The following SLC8A1 variants were observed in gnomAD, a reference collection of about 807,000 sequenced individuals.
SLC8A1 encodes sodium/calcium exchanger 1.
Under a neutral mutation model 68.3 loss-of-function variants are expected in SLC8A1, and 18 were observed. The ratio of observed to expected loss-of-function variants is 0.26; its 90% CI spans 0.18 to 0.39. The LOEUF (loss-of-function observed/expected upper bound fraction) is 0.39, where lower values mean the gene tolerates loss of function less well. Ranked by LOEUF, SLC8A1 falls within the 10% of genes least tolerant of loss-of-function variation. The probability of loss-of-function intolerance (pLI) is 1.00; values close to 1 mark genes in which losing one functional copy is unlikely to be tolerated. For synonymous variants in SLC8A1, 475 were observed against 415.5 expected (o/e 1.14, Z -1.74); for missense variants, 985 against 1,156.7 (o/e 0.85, Z 2.15).
At chr2:40,217,270 G>C (rs182334555) in intron 2 of SLC8A1, among the ~76,000 whole-genome samples, 11 of 152,218 alleles carry the variant, frequency 7.2e-5, no homozygotes, top group Admixed American at 2.6e-4. Flanking sequence ...GCTTGTTTCT[G>C]TCAGGTTTGT....
intron 3 of SLC8A1, among the ~76,000 whole-genome samples, chr2:40,176,470 G>A (rs1447410644): frequency 6.6e-6 from 1 of 152,086 alleles, no homozygotes. Context: ...TAAGAAATCA[G>A]CATAATTTTC....
rs542335757 is a variant in SLC8A1, at chr2:40,305,237, A to T, written c.1808+123236T>A. ...GTGAAGCAGTGAAGACAGAAGGATG[A>T]CCATGACACAGTCCCTGCTCCCCAG... On this transcript the variant is annotated intron_variant, in intron 2 of 7. Coordinates refer to ENST00000406785, the Ensembl canonical transcript of SLC8A1. Among the ~76,000 whole-genome samples, 4 of 152,276 alleles carry T rather than the reference A, an allele frequency of 2.6e-5. No individual in the cohort carries two copies. In the South Asian group the frequency reaches 8.3e-4, roughly 32 times the overall value.
chr2:40,367,198 T>G (rs1201892989), intron 2 of SLC8A1, among the ~76,000 whole-genome samples: 4 of 152,028 alleles, frequency 2.6e-5, no homozygotes, highest in Non-Finnish European at 5.9e-5. Flanking sequence ...AACTCTTGCT[T>G]AATCAGGCAG....
intron 1 of SLC8A1, among the ~76,000 whole-genome samples, chr2:40,461,365 A>G (rs1703329811): frequency 6.6e-6 from 1 of 151,854 alleles, no homozygotes; most frequent in African/African-American, 2.4e-5. Flanking sequence ...CAGACAATGC[A>G]CCCCCTGATC....
intron 2 of SLC8A1, among the ~76,000 whole-genome samples, chr2:40,234,672 T>C (rs1403101082): frequency 6.6e-6 from 1 of 152,206 alleles, no homozygotes; most frequent in Non-Finnish European, 1.5e-5. Context: ...ATCCCTGTCT[T>C]GTGCCAGTTT....
At chr2:40,265,333 T>C (rs1270709414) in intron 2 of SLC8A1, among the ~76,000 whole-genome samples, 4 of 152,190 alleles carry the variant, frequency 2.6e-5, no homozygotes, top group African/African-American at 9.7e-5. Context: ...CTTATGGTAT[T>C]AAGGCCAATG....
At chr2:40,233,419 C>A (rs1459530131) in intron 2 of SLC8A1, among the ~76,000 whole-genome samples, 2 of 149,622 alleles carry the variant, frequency 1.3e-5, no homozygotes, top group Admixed American at 6.7e-5. Context: ...TGTTCATGTC[C>A]TTTGCCCACT....
chr2:40,388,336 T>C (rs1345411427), intron 2 of SLC8A1, among the ~76,000 whole-genome samples: 1 of 152,176 alleles, frequency 6.6e-6, no homozygotes, highest in African/African-American at 2.4e-5. Flanking sequence ...TGTTGTTGCA[T>C]AATGAGTTCT....
chr2:40,273,350 C>T (rs1181377650), intron 2 of SLC8A1, among the ~76,000 whole-genome samples: 1 of 152,104 alleles, frequency 6.6e-6, no homozygotes, highest in African/African-American at 2.4e-5. Context: ...GCCTCGGCTT[C>T]CCAAAGCGCT....
At chr2:40,294,383 A>G (rs1429556938) in intron 2 of SLC8A1, among the ~76,000 whole-genome samples, 1 of 152,160 alleles carries the variant, frequency 6.6e-6, no homozygotes, top group Non-Finnish European at 1.5e-5. Context: ...TCCCTACTTT[A>G]AAGATAAGGT....
intron 1 of SLC8A1, among the ~76,000 whole-genome samples, chr2:40,450,351 A>AGT (rs141272449): frequency 0.32 from 47,269 of 149,774 alleles, 8,840 homozygotes; most frequent in Non-Finnish European, 0.45. Flanking sequence ...AAAGCATGTG[A>AGT]GTGTGTGTGT....
intron 6 of SLC8A1, among the ~76,000 whole-genome samples, chr2:40,148,139 C>T (rs564318542): frequency 6.6e-6 from 1 of 152,164 alleles, no homozygotes. Context: ...TGTCTCTCCT[C>T]CTTAAATTAA....
At chr2:40,401,704 G>A (rs894448972) in intron 2 of SLC8A1, among the ~76,000 whole-genome samples, 2 of 150,318 alleles carry the variant, frequency 1.3e-5, no homozygotes, top group Non-Finnish European at 2.9e-5. Flanking sequence ...TTTACATTTA[G>A]TGTAAGATTT....
At chr2:40,185,348 T>C (rs2050507329) in intron 2 of SLC8A1, among the ~76,000 whole-genome samples, 1 of 152,196 alleles carries the variant, frequency 6.6e-6, no homozygotes, top group South Asian at 2.1e-4. Context: ...CTTAGGTTCA[T>C]CGGCTGATAA....
intron 2 of SLC8A1, among the ~76,000 whole-genome samples, chr2:40,315,565 T>G (rs1164722435): frequency 2.0e-5 from 3 of 151,830 alleles, no homozygotes; most frequent in Admixed American, 2.0e-4. Context: ...AACAGTGAAT[T>G]TTAAAGTTGG....
intron 2 of SLC8A1, among the ~76,000 whole-genome samples, chr2:40,341,542 T>C (rs533417981): frequency 1.7e-4 from 26 of 152,350 alleles, no homozygotes; most frequent in African/African-American, 6.0e-4. Flanking sequence ...GCCTATCTTC[T>C]ATGCATTAAG....
intron 2 of SLC8A1, among the ~76,000 whole-genome samples, chr2:40,300,148 G>A (rs1301837170): frequency 6.6e-6 from 1 of 152,150 alleles, no homozygotes; most frequent in Non-Finnish European, 1.5e-5. Flanking sequence ...TATGCTGCTT[G>A]CTTTGGTGAC....
At chr2:40,316,122 T>C (rs897722763) in intron 2 of SLC8A1, among the ~76,000 whole-genome samples, 38 of 152,178 alleles carry the variant, frequency 2.5e-4, no homozygotes, top group African/African-American at 8.7e-4. Flanking sequence ...CTCACTGACA[T>C]AGTATACATG....
chr2:40,184,026 A>AG (rs1450638167), intron 2 of SLC8A1, among the ~76,000 whole-genome samples: 4 of 151,626 alleles, frequency 2.6e-5, no homozygotes, highest in Non-Finnish European at 5.9e-5. Flanking sequence ...ATGCAAAAAA[A>AG]ACCAGATGGG....
Sources: gnomAD v4.1 joint callset for allele counts (sites outside exome capture counted in the v4.1 genomes callset) on GRCh38, gnomAD v4.1.1 for gene constraint, MANE v1.5 for transcripts, NCBI Gene and HGNC (gene_info 2026-07-23, HGNC 2026-07-21) for gene names.